Variants in XKR6 observed in about 807,000 individuals in gnomAD.
XKR6 encodes the protein XK related 6, also known as XK-related protein 6.
Under a neutral mutation model 56.7 loss-of-function variants are expected in XKR6, and 22 were observed. The ratio of observed to expected loss-of-function variants is 0.39; its 90% CI spans 0.28 to 0.55. XKR6 has a LOEUF of 0.55. XKR6 is among the 20% of genes least tolerant of loss of function. The probability of loss-of-function intolerance (pLI) is 0.66; values close to 1 mark genes in which losing one functional copy is unlikely to be tolerated. For missense variants in XKR6, 852 were observed against 889.0 expected, an observed-to-expected ratio of 0.96 and a Z score of 0.53; for synonymous variants, 524 against 387.8, an observed-to-expected ratio of 1.35 and a Z score of -4.13.
At chr8:11,090,609 T>C (rs180906445) in intron 1 of XKR6, among the ~76,000 whole-genome samples, 1 of 152,318 alleles carries the variant, frequency 6.6e-6, no homozygotes, top group East Asian at 1.9e-4. Context: ...TATGTTATTG[T>C]TTTAATTGCA....
chr8:11,200,978 T>TGCG lies in XKR6; in HGVS notation c.359_361dup (p.Pro120dup), dbSNP rs770788463. ...GCAGTCGAGCCACGGCCGCTCCACCTGCGGCGGCGGCGGCTCCGGCCGCGC... is the reference window on the plus strand; with the variant it reads ...GCAGTCGAGCCACGGCCGCTCCACCTGCGGCGGCGGCGGCGGCTCCGGCCGCGC... On this transcript the variant is annotated inframe_insertion, in exon 1 of 3. Transcript: ENST00000416569. This position sits in a 1 kb window ranked among gnomAD's most constrained non-coding sequence, Gnocchi z 6.4. 5.4e-5 allele frequency: 81 copies of TGCG among 1,490,488 alleles called. No individual in the cohort carries two copies. Among genetic ancestry groups the TGCG allele is most frequent in the Middle Eastern group, 1.8e-4 (1 of 5,694 alleles). 92.3% of individuals were successfully genotyped at this position (1,490,488 alleles called of 1,614,324 possible). A position where few individuals can be genotyped will look rare whatever the true frequency, so the allele number is the denominator to read the frequency against.
intron 1 of XKR6, among the ~76,000 whole-genome samples, chr8:10,960,240 A>AGCAGGCAGGT (rs1802022599): frequency 6.6e-6 from 1 of 151,414 alleles, no homozygotes; most frequent in Non-Finnish European, 1.5e-5. Context: ...GTACAGGTAT[A>AGCAGGCAGGT]GCAGGTAGGT....
At chr8:11,089,081 T>C (rs1048661901) in intron 1 of XKR6, among the ~76,000 whole-genome samples, 1 of 151,958 alleles carries the variant, frequency 6.6e-6, no homozygotes, top group African/African-American at 2.4e-5. Context: ...AGCAAAGGGA[T>C]CAGGAAAGCA....
chr8:10,974,629 A>C (rs1384417520), intron 1 of XKR6, among the ~76,000 whole-genome samples: 1 of 152,200 alleles, frequency 6.6e-6, no homozygotes, highest in African/African-American at 2.4e-5. Context: ...TGGGTTAACA[A>C]ACACTCAGGC....
chr8:11,067,322 C>T (rs949368675), intron 1 of XKR6, among the ~76,000 whole-genome samples: 2 of 152,132 alleles, frequency 1.3e-5, no homozygotes, highest in Non-Finnish European at 2.9e-5. Context: ...CCTTGCCTCC[C>T]GGACACCTGG....
intron 1 of XKR6, chr8:11,035,364 T>C: frequency 1.9e-6 from 1 of 533,332 alleles, no homozygotes; most frequent in South Asian, 1.4e-5. Flanking sequence ...GGAGATCAAA[T>C]CATGAATGGG....
chr8:11,191,676 C>T (rs1803584579), intron 1 of XKR6, among the ~76,000 whole-genome samples: 2 of 137,324 alleles, frequency 1.5e-5, no homozygotes, highest in African/African-American at 5.5e-5. Context: ...ATGGACAGGA[C>T]ACTGGAAAAA....
intron 1 of XKR6, among the ~76,000 whole-genome samples, chr8:11,195,855 T>C (rs1054477244): frequency 2.0e-5 from 3 of 151,602 alleles, no homozygotes; most frequent in Admixed American, 6.6e-5. Context: ...GGTTTCACCA[T>C]GTTAGCCAGG....
rs1800818791 is a variant in XKR6, at chr8:10,924,530, G to A, written c.961+104C>T. 4 of 1,396,614 alleles carry A rather than the reference G, an allele frequency of 2.9e-6. No homozygotes were observed. The Admixed American group carries it at 8.8e-5, about 31-fold the overall frequency. 86.5% of individuals were successfully genotyped at this position (1,396,614 alleles called of 1,614,324 possible). ...GTCCTGGGGACTCAGGGCAGGATGG[G>A]CAATGCCCACAGAGCGTGCCAGGCA... On this transcript the variant is annotated intron_variant, in intron 2 of 2. Coordinates refer to ENST00000416569, the MANE Select transcript of XKR6 (RefSeq NM_173683.4).
At chr8:10,911,203 T>C (rs1800348907) in intron 2 of XKR6, among the ~76,000 whole-genome samples, 1 of 130,512 alleles carries the variant, frequency 7.7e-6, no homozygotes, top group Non-Finnish European at 1.6e-5. Context: ...GGTGTGCGTG[T>C]GTGTGTGTGT....
At chr8:11,116,649 G>T (rs1045310441) in intron 1 of XKR6, among the ~76,000 whole-genome samples, 1 of 152,122 alleles carries the variant, frequency 6.6e-6, no homozygotes, top group Non-Finnish European at 1.5e-5. Flanking sequence ...GGGATTACAG[G>T]CAGGAGCCAC....
At chr8:11,005,172 AC>A (rs35017030) in intron 1 of XKR6, among the ~76,000 whole-genome samples, 44,480 of 151,574 alleles carry the variant, frequency 0.29, 7,862 homozygotes, top group African/African-American at 0.49. Context: ...CATACGTGGA[AC>A]AAAGGGATGA....
At chr8:11,075,698 C>A (rs550527958) in intron 1 of XKR6, among the ~76,000 whole-genome samples, 18 of 152,254 alleles carry the variant, frequency 1.2e-4, no homozygotes, top group African/African-American at 4.3e-4. Flanking sequence ...GCCTGGCTAA[C>A]CCCGCCTCTA....
chr8:11,051,951 G>A (rs544842776), intron 1 of XKR6, among the ~76,000 whole-genome samples: 13 of 152,274 alleles, frequency 8.5e-5, no homozygotes, highest in Admixed American at 5.9e-4. Context: ...CCACGGTGGC[G>A]TGTTGCACAG....
intron 1 of XKR6, among the ~76,000 whole-genome samples, chr8:10,991,289 T>G (rs1797987715): frequency 6.6e-6 from 1 of 152,138 alleles, no homozygotes; most frequent in African/African-American, 2.4e-5. Context: ...GCTCTGGTGC[T>G]GATGGGAGCT....
intron 1 of XKR6, among the ~76,000 whole-genome samples, chr8:11,098,946 G>C (rs1442996716): frequency 6.6e-6 from 1 of 152,196 alleles, no homozygotes; most frequent in Admixed American, 6.5e-5. Flanking sequence ...TTGAGCTCAT[G>C]TAGGTGTAAC....
chr8:11,051,101 T>G (rs1009280727), intron 1 of XKR6, among the ~76,000 whole-genome samples: 7 of 152,158 alleles, frequency 4.6e-5, no homozygotes, highest in Admixed American at 1.3e-4. Context: ...AAGTCTGATG[T>G]CCAGCTCTCA....
chr8:11,049,447 C>T (rs1026477538), intron 1 of XKR6, among the ~76,000 whole-genome samples: 2 of 152,130 alleles, frequency 1.3e-5, no homozygotes, highest in Admixed American at 1.3e-4. Context: ...CTGCTCCCTG[C>T]GCCTCTCTGC....
At chr8:11,071,737 A>T (rs1411010136) in intron 1 of XKR6, among the ~76,000 whole-genome samples, 1 of 152,166 alleles carries the variant, frequency 6.6e-6, no homozygotes, top group African/African-American at 2.4e-5. Flanking sequence ...GTTTGTTATG[A>T]TGGTCTTAGC....
Sources: gnomAD v4.1 joint callset for allele counts (sites outside exome capture counted in the v4.1 genomes callset) on GRCh38, gnomAD v4.1.1 for gene constraint, Gnocchi (gnomAD v3.1) non-coding constraint, MANE v1.5 for transcripts, NCBI Gene and HGNC (gene_info 2026-07-23, HGNC 2026-07-21) for gene names.